Variants in RABGAP1L observed in about 807,000 individuals in gnomAD.
The protein encoded by RABGAP1L is rab GTPase-activating protein 1-like.
In RABGAP1L, 63 loss-of-function variants were observed where a neutral mutation model predicts 137.7. The observed-to-expected ratio is 0.46, with a 90% confidence interval of 0.37 to 0.56. The LOEUF (loss-of-function observed/expected upper bound fraction) is 0.56, where lower values mean the gene tolerates loss of function less well. Ranked by LOEUF, RABGAP1L falls within the 20% of genes least tolerant of loss-of-function variation. The pLI is 0.00. For synonymous variants in RABGAP1L, 431 were observed against 433.7 expected (o/e 0.99, Z 0.08); for missense variants, 1,095 against 1,244.0 (o/e 0.88, Z 1.80).
chr1:174,971,206 T>C (rs1558294536), intron 21 of RABGAP1L, among the ~76,000 whole-genome samples: 4 of 151,620 alleles, frequency 2.6e-5, no homozygotes, highest in South Asian at 4.2e-4. Context: ...AAAATGAGCA[T>C]TGGAACTTTT....
intron 17 of RABGAP1L, among the ~76,000 whole-genome samples, chr1:174,715,644 G>T (rs1174520223): frequency 6.6e-6 from 1 of 152,182 alleles, no homozygotes; most frequent in Admixed American, 6.5e-5. Flanking sequence ...ATTCACATGG[G>T]CAGACGCTGT....
intron 7 of RABGAP1L, among the ~76,000 whole-genome samples, chr1:174,253,490 C>T (rs1370815485): frequency 1.3e-5 from 2 of 151,984 alleles, no homozygotes; most frequent in African/African-American, 4.8e-5. Flanking sequence ...TATTTAAGGA[C>T]ATTTGTAAGG....
chr1:174,276,391 T>C (rs760252032), intron 9 of RABGAP1L, among the ~76,000 whole-genome samples: 2 of 152,250 alleles, frequency 1.3e-5, no homozygotes, highest in East Asian at 1.9e-4. Context: ...CCTCAACTGA[T>C]CTTCTTGCCT....
At chr1:174,873,594 A>G (rs911080625) in intron 19 of RABGAP1L, among the ~76,000 whole-genome samples, 1 of 149,966 alleles carries the variant, frequency 6.7e-6, no homozygotes, top group African/African-American at 2.5e-5. Context: ...GCTCACTGCA[A>G]CCCCTGCCTC....
intron 12 of RABGAP1L, among the ~76,000 whole-genome samples, chr1:174,380,532 A>G (rs971482939): frequency 6.6e-6 from 1 of 152,068 alleles, no homozygotes; most frequent in East Asian, 1.9e-4. Flanking sequence ...TGTATGTGTC[A>G]AGGAATATAT....
chr1:174,620,297 G>T (rs982334627), intron 13 of RABGAP1L, among the ~76,000 whole-genome samples: 24 of 152,176 alleles, frequency 1.6e-4, no homozygotes, highest in African/African-American at 5.8e-4. Context: ...ACAGCCATCT[G>T]CAGAACTCTT....
intron 18 of RABGAP1L, among the ~76,000 whole-genome samples, chr1:174,755,454 C>A (rs1275817296): frequency 6.6e-6 from 1 of 152,208 alleles, no homozygotes; most frequent in Non-Finnish European, 1.5e-5. Flanking sequence ...AGAAATTTTT[C>A]AGTCAGAATA....
At position 174,859,233 on chromosome 1, in the gene RABGAP1L, G is replaced by A. The variant is rs564532185; in HGVS notation, c.2340+47273G>A. 5.3e-5 allele frequency among the ~76,000 whole-genome samples: 8 copies of A among 152,278 alleles called. 1 individual carries two copies. In the South Asian group the frequency reaches 1.2e-3, roughly 24 times the overall value. Reference sequence around the variant, plus strand: ...GTGGTGGCTCACGCCTTTAATCCCAGCACTTTGGGAGGCCAAGACGGGTGG... The same window carrying A: ...GTGGTGGCTCACGCCTTTAATCCCAACACTTTGGGAGGCCAAGACGGGTGG... On this transcript the variant is annotated intron_variant, in intron 19 of 25. Transcript: ENST00000681986.
At chr1:174,832,242 G>A (rs190946585) in intron 19 of RABGAP1L, among the ~76,000 whole-genome samples, 3 of 146,328 alleles carry the variant, frequency 2.1e-5, no homozygotes, top group African/African-American at 5.0e-5. Context: ...GCAGTGAGCC[G>A]AGATCGTGCC....
intron 13 of RABGAP1L, among the ~76,000 whole-genome samples, chr1:174,615,902 C>T (rs1037158439): frequency 1.3e-5 from 2 of 152,236 alleles, no homozygotes; most frequent in Non-Finnish European, 2.9e-5. Context: ...ATATAATCTC[C>T]TGGTGCGCCG....
intron 19 of RABGAP1L, among the ~76,000 whole-genome samples, chr1:174,857,548 GA>G (rs1043898969): frequency 3.6e-4 from 54 of 151,878 alleles, no homozygotes; most frequent in Non-Finnish European, 1.8e-4. Flanking sequence ...TCATCTTTTT[GA>G]TAATAAATTC....
intron 11 of RABGAP1L, among the ~76,000 whole-genome samples, chr1:174,329,022 A>G (rs186410008): frequency 1.8e-4 from 27 of 148,346 alleles, no homozygotes; most frequent in Non-Finnish European, 3.2e-4. Context: ...TATAAATGAA[A>G]TAAAGACTTA....
intron 13 of RABGAP1L, among the ~76,000 whole-genome samples, chr1:174,617,695 C>T (rs1160289761): frequency 1.3e-5 from 2 of 152,092 alleles, no homozygotes; most frequent in African/African-American, 4.8e-5. Context: ...GATAGAATAC[C>T]TGTTGATCCT....
rs1342201487 is a variant in RABGAP1L at position 174,994,505 on chromosome 1, T to C, written c.*4504T>C. The C allele has an allele frequency of 6.6e-6, 1 of 150,688 alleles. No individual in the cohort carries two copies. The highest frequency in any genetic ancestry group is 2.5e-5 in the African/African-American group (1 of 40,022). The allele number at this position is 150,688 out of a possible 1,614,324, so 9.3% of individuals were successfully genotyped here. Reference sequence around the variant, plus strand: ...ATCATTGAGTAGAAAGTGAACATTTTAAGTTATTTTCCTTTTTCATTGGCA... The same window carrying C: ...ATCATTGAGTAGAAAGTGAACATTTCAAGTTATTTTCCTTTTTCATTGGCA... On this transcript the variant is annotated 3_prime_UTR_variant, in exon 26 of 26. Transcript: ENST00000681986.
chr1:174,627,880 A>G (rs1673036578), intron 13 of RABGAP1L, among the ~76,000 whole-genome samples: 1 of 152,110 alleles, frequency 6.6e-6, no homozygotes, highest in Non-Finnish European at 1.5e-5. Flanking sequence ...AACTTTGCCT[A>G]TGAGTTACAT....
At chr1:174,676,604 G>A (rs1677648166) in intron 14 of RABGAP1L, among the ~76,000 whole-genome samples, 1 of 152,184 alleles carries the variant, frequency 6.6e-6, no homozygotes, top group South Asian at 2.1e-4. Context: ...TGAGAAGCAC[G>A]TACTTTGTGT....
At chr1:174,472,639 T>C (rs1658070843) in intron 13 of RABGAP1L, among the ~76,000 whole-genome samples, 1 of 152,162 alleles carries the variant, frequency 6.6e-6, no homozygotes, top group African/African-American at 2.4e-5. Flanking sequence ...AAGTATCAAG[T>C]TGTGAAAGTA....
chr1:174,464,235 A>C (rs1343833726), intron 13 of RABGAP1L, among the ~76,000 whole-genome samples: 1 of 152,198 alleles, frequency 6.6e-6, no homozygotes, highest in Non-Finnish European at 1.5e-5. Context: ...GCCCAAGGAC[A>C]AATGAATGAA....
chr1:174,854,124 A>G (rs1648851663), intron 19 of RABGAP1L, among the ~76,000 whole-genome samples: 2 of 152,202 alleles, frequency 1.3e-5, no homozygotes, highest in South Asian at 4.1e-4. Context: ...GTTTGCCTTA[A>G]CTAATTTGGG....
Sources: allele counts gnomAD v4.1 joint callset (sites outside exome capture counted in the v4.1 genomes callset), GRCh38; gene constraint gnomAD v4.1.1; transcripts MANE v1.5; gene names NCBI Gene and HGNC (gene_info 2026-07-23, HGNC 2026-07-21).